Variants in PCDH11X observed in about 807,000 individuals in gnomAD.
The protein encoded by PCDH11X is protocadherin 11 X-linked.
Under a neutral mutation model 53.3 loss-of-function variants are expected in PCDH11X, and 18 were observed. The ratio of observed to expected loss-of-function variants is 0.34; its 90% confidence interval spans 0.23 to 0.50. The LOEUF (loss-of-function observed/expected upper bound fraction) is 0.50. Among genes scored for constraint, PCDH11X ranks in the 20% least tolerant of loss-of-function variants. PCDH11X has a pLI of 0.98. For missense variants in PCDH11X, 570 were observed against 1,032.4 expected, an observed-to-expected ratio of 0.55 and a Z score of 6.14; for synonymous variants, 279 against 393.3, an observed-to-expected ratio of 0.71 and a Z score of 3.44.
intron 10 of PCDH11X, among the ~76,000 whole-genome samples, chrX:92,533,531 C>T (rs1046892799): frequency 6.6e-5 from 7 of 106,150 alleles, no homozygotes; most frequent in African/African-American, 1.7e-4. Flanking sequence ...TTGGAAGAAC[C>T]GACAGAAGAC....
chrX:92,480,995 G>C (rs904104514), intron 10 of PCDH11X, among the ~76,000 whole-genome samples: 48 of 110,679 alleles, frequency 4.3e-4, no homozygotes, highest in African/African-American at 1.5e-3. Context: ...TGTGCATGTG[G>C]TCATACTGGT....
At chrX:92,092,563 C>A (rs1220903370) in intron 6 of PCDH11X, among the ~76,000 whole-genome samples, 5 of 111,019 alleles carry the variant, frequency 4.5e-5, no homozygotes, top group African/African-American at 1.6e-4. Flanking sequence ...CAAGACAACT[C>A]GAAGCAAAAG....
chrX:92,205,962 G>A (rs897768183), intron 7 of PCDH11X, among the ~76,000 whole-genome samples: 2 of 111,729 alleles, frequency 1.8e-5, no homozygotes, highest in Non-Finnish European at 3.8e-5. Flanking sequence ...TGTAAATGGA[G>A]TCCCATATAA....
chrX:92,243,199 TG>T (rs2067291344), intron 7 of PCDH11X, among the ~76,000 whole-genome samples: 1 of 111,992 alleles, frequency 8.9e-6, no homozygotes, highest in African/African-American at 3.2e-5. Context: ...AAAATATTTT[TG>T]TAGACGTTTT....
rs181413477 is a variant in PCDH11X, at chrX:92,614,334, T to A, written c.3368-3930T>A. On this transcript the variant is annotated intron_variant, in intron 10 of 10. Transcript: ENST00000682573. ...TTTATTTCAGTATAACATTATTATT[T>A]TTTTTTTCTTTCCCTTTCCCTTTCC... Among the ~76,000 whole-genome samples, 206 of 110,902 alleles carry A rather than the reference T, an allele frequency of 1.9e-3. 1 individual carries two copies. Among genetic ancestry groups the A allele is most frequent in the African/African-American group, 5.5e-3 (169 of 30,531 alleles).
intron 6 of PCDH11X, among the ~76,000 whole-genome samples, chrX:91,908,611 C>G (rs1337179366): frequency 1.8e-5 from 2 of 109,569 alleles, no homozygotes; most frequent in Non-Finnish European, 3.8e-5. Context: ...TGAGACCAGA[C>G]TGGCCAACAT....
intron 10 of PCDH11X, among the ~76,000 whole-genome samples, chrX:92,491,367 A>G (rs961273598): frequency 9.0e-6 from 1 of 111,043 alleles, no homozygotes; most frequent in African/African-American, 3.3e-5. Context: ...TATGTTGTAT[A>G]GTCCTAACAG....
intron 8 of PCDH11X, among the ~76,000 whole-genome samples, chrX:92,375,774 C>T (rs1391107090): frequency 9.2e-6 from 1 of 108,436 alleles, no homozygotes; most frequent in Non-Finnish European, 1.9e-5. Context: ...CAGGCACCCG[C>T]CACCACGCCC....
rs1307734325 is a variant in PCDH11X, at chrX:92,200,025, T to TA, written c.3034-1340dup. 1.5e-3 allele frequency among the ~76,000 whole-genome samples: 159 copies of TA among 109,201 alleles called. 1 individual carries two copies. Among genetic ancestry groups the TA allele is most frequent in the South Asian group, 4.3e-3 (11 of 2,587 alleles). 94.8% of individuals were successfully genotyped at this position (109,201 alleles called of 115,157 possible). On this transcript the variant is annotated intron_variant, in intron 6 of 10. Coordinates refer to ENST00000682573, the MANE Select transcript of PCDH11X (RefSeq NM_032968.5). The stretch of plus-strand genomic sequence containing the variant: ...TGCAACCCAAATAAACTTGGTTTTT[T>TA]AAAAAAAAAAGTTAAATGTACCTTT...
chrX:92,503,037 A>T (rs1001894146), intron 10 of PCDH11X, among the ~76,000 whole-genome samples: 1 of 108,616 alleles, frequency 9.2e-6, no homozygotes. Flanking sequence ...GAAAAAAAAC[A>T]AACACCTTCA....
intron 6 of PCDH11X, among the ~76,000 whole-genome samples, chrX:91,899,366 G>C (rs912684495): frequency 9.0e-6 from 1 of 110,868 alleles, no homozygotes; most frequent in Non-Finnish European, 1.9e-5. Flanking sequence ...TATTCTAGCC[G>C]TGCTGGCAGC....
chrX:91,914,909 C>T (rs1480379568), intron 6 of PCDH11X, among the ~76,000 whole-genome samples: 4 of 111,370 alleles, frequency 3.6e-5, no homozygotes, highest in Non-Finnish European at 7.5e-5. Context: ...CTGGGAAATT[C>T]ATTGCAAAAA....
intron 6 of PCDH11X, among the ~76,000 whole-genome samples, chrX:92,037,667 G>A (rs1280464797): frequency 9.0e-6 from 1 of 110,804 alleles, no homozygotes; most frequent in East Asian, 2.9e-4. Flanking sequence ...CACCAACAGT[G>A]TCAAAGCATT....
At chrX:92,422,916 T>C (rs966883641) in intron 9 of PCDH11X, among the ~76,000 whole-genome samples, 6 of 109,171 alleles carry the variant, frequency 5.5e-5, no homozygotes, top group African/African-American at 2.0e-4. Context: ...TGGCACGATA[T>C]CGGCTCACTG....
chrX:92,282,872 C>T (rs1028355916), intron 8 of PCDH11X, among the ~76,000 whole-genome samples: 5 of 111,330 alleles, frequency 4.5e-5, no homozygotes, highest in Admixed American at 3.8e-4. Flanking sequence ...AGTTTTGGCA[C>T]TATTTCACAA....
chrX:92,537,854 G>A (rs1236028395), intron 10 of PCDH11X, among the ~76,000 whole-genome samples: 1 of 109,720 alleles, frequency 9.1e-6, no homozygotes, highest in Non-Finnish European at 1.9e-5. Flanking sequence ...TTTGTATTCT[G>A]TAAATTTACT....
At position 91,878,886 on chromosome X, in the gene PCDH11X, G is replaced by T. The variant is rs755570723; in HGVS notation, c.2646G>T (p.Leu882=). The change falls in exon 6 of 11, where the codon CTG becomes CTT. Residue 882 remains leucine (L), a synonymous_variant. Coordinates refer to ENST00000682573, the MANE Select transcript of PCDH11X (RefSeq NM_032968.5). ...KKKKHSPKNL[L]LNFVTIEETK... ...AGAAGCATTCCCCTAAGAACTTGCT[G>T]CTTAATTTTGTCACTATTGAAGAAA... The T allele has an allele frequency of 1.7e-6, 2 of 1,211,700 alleles. No homozygotes were observed. The highest frequency in any genetic ancestry group is 2.3e-4 in the Middle Eastern group (1 of 4,350).
Position 92,356,023 on chromosome X carries a change from T to G in PCDH11X, c.3145-31712T>G, listed in dbSNP as rs5942219. Among the ~76,000 whole-genome samples the G allele has an allele frequency of 9.4e-3, 1,054 of 111,834 alleles. 11 individuals carry two copies. Among genetic ancestry groups the G allele is most frequent in the Non-Finnish European group, 0.014 (755 of 53,155 alleles). ...ACAAGTCGTGTATATATAGAGTGAA[T>G]AGATCACCAGAAGCTCCTTCTGTGT... On this transcript the variant is annotated intron_variant, in intron 8 of 10. Transcript: ENST00000682573.
intron 7 of PCDH11X, among the ~76,000 whole-genome samples, chrX:92,203,195 A>G (rs921744462): frequency 8.9e-6 from 1 of 112,528 alleles, no homozygotes; most frequent in African/African-American, 3.2e-5. Context: ...TATTTGTTAT[A>G]GGATAAATAA....
Sources: gnomAD v4.1 joint callset for allele counts (sites outside exome capture counted in the v4.1 genomes callset) on GRCh38, gnomAD v4.1.1 for gene constraint, MANE v1.5 for transcripts, NCBI Gene and HGNC (gene_info 2026-07-23, HGNC 2026-07-21) for gene names.